The following HECW1 variants were observed in gnomAD, a reference collection of about 807,000 sequenced individuals.
HECW1 encodes the protein HECT, C2 and WW domain containing E3 ubiquitin protein ligase 1.
Under a neutral mutation model 182.3 loss-of-function variants are expected in HECW1, and 61 were observed. That is an observed-to-expected ratio of 0.33 (90% confidence interval 0.27 to 0.41). HECW1 has a LOEUF of 0.41. Among genes scored for constraint, HECW1 ranks in the 10% least tolerant of loss-of-function variants. The pLI is 1.00. For missense variants in HECW1, 1,739 were observed against 2,108.9 expected, an observed-to-expected ratio of 0.82 and a Z score of 3.44; for synonymous variants, 859 against 832.6, an observed-to-expected ratio of 1.03 and a Z score of -0.55.
At chr7:43,175,183 C>A (rs758237873) in intron 2 of HECW1, among the ~76,000 whole-genome samples, 8 of 151,322 alleles carry the variant, frequency 5.3e-5, no homozygotes, top group Admixed American at 2.6e-4. Context: ...TGTACACATA[C>A]ACATACACAC....
intron 3 of HECW1, among the ~76,000 whole-genome samples, chr7:43,283,835 A>C (rs933346071): frequency 6.6e-6 from 1 of 152,202 alleles, no homozygotes; most frequent in African/African-American, 2.4e-5. Context: ...TATTTCCTCC[A>C]TGTTTTCTGA....
intron 3 of HECW1, among the ~76,000 whole-genome samples, chr7:43,253,007 T>G (rs927015261): frequency 6.6e-6 from 1 of 152,204 alleles, no homozygotes; most frequent in Non-Finnish European, 1.5e-5. Context: ...GAGAAGTTAT[T>G]TAGCCCAGTC....
At chr7:43,211,091 C>A (rs2152695119) in intron 2 of HECW1, among the ~76,000 whole-genome samples, 1 of 152,248 alleles carries the variant, frequency 6.6e-6, no homozygotes, top group African/African-American at 2.4e-5. Context: ...CCTATTTTTG[C>A]CTAATTAGCA....
chr7:43,510,898 C>T (rs994263614), intron 24 of HECW1: 2 of 152,338 alleles, frequency 1.3e-5, no homozygotes, highest in East Asian at 3.9e-4. Context: ...GTGGCCCACA[C>T]TTGGCTGGAC....
intron 3 of HECW1, among the ~76,000 whole-genome samples, chr7:43,279,496 A>T (rs1202490391): frequency 2.0e-5 from 3 of 151,942 alleles, no homozygotes; most frequent in Admixed American, 6.6e-5. Flanking sequence ...TAACCCGACC[A>T]TCCACGCTCT....
At chr7:43,245,039 C>T (rs1799250203) in intron 3 of HECW1, among the ~76,000 whole-genome samples, 1 of 152,230 alleles carries the variant, frequency 6.6e-6, no homozygotes, top group Non-Finnish European at 1.5e-5. Context: ...TTCACAAGTT[C>T]TGCCTAATGC....
intron 24 of HECW1, among the ~76,000 whole-genome samples, chr7:43,532,081 G>C (rs545383754): frequency 1.3e-5 from 2 of 152,188 alleles, no homozygotes; most frequent in Non-Finnish European, 2.9e-5. Flanking sequence ...GTCTGAAAGA[G>C]AACTCTCCAT....
intron 5 of HECW1, among the ~76,000 whole-genome samples, chr7:43,325,889 C>T (rs1479685367): frequency 2.0e-5 from 3 of 152,226 alleles, no homozygotes; most frequent in Admixed American, 6.5e-5. Flanking sequence ...ATCAGAAGAA[C>T]GCCCCTCAAC....
intron 2 of HECW1, among the ~76,000 whole-genome samples, chr7:43,177,548 G>T (rs1340599107): frequency 6.6e-6 from 1 of 152,152 alleles, no homozygotes; most frequent in Non-Finnish European, 1.5e-5. Flanking sequence ...TCCATGTATT[G>T]TGGTTTTAAA....
At chr7:43,305,401 A>C (rs1584406862) in intron 3 of HECW1, among the ~76,000 whole-genome samples, 1 of 39,894 alleles carries the variant, frequency 2.5e-5, no homozygotes, top group Non-Finnish European at 3.8e-5. Context: ...AATTACTGCA[A>C]TTCTGTCCAT....
intron 2 of HECW1, among the ~76,000 whole-genome samples, chr7:43,152,230 A>T (rs1789412808): frequency 6.6e-6 from 1 of 152,164 alleles, no homozygotes; most frequent in Non-Finnish European, 1.5e-5. Flanking sequence ...GACCTATACC[A>T]CTCATTAAAA....
At chr7:43,245,960 C>T (rs1799341863) in intron 3 of HECW1, among the ~76,000 whole-genome samples, 1 of 152,128 alleles carries the variant, frequency 6.6e-6, no homozygotes, top group African/African-American at 2.4e-5. Flanking sequence ...AAGTTCCCTA[C>T]ACCTTCCCCT....
At chr7:43,351,551 G>A (rs1247870739) in intron 5 of HECW1, among the ~76,000 whole-genome samples, 2 of 152,124 alleles carry the variant, frequency 1.3e-5, no homozygotes, top group East Asian at 1.9e-4. Context: ...CTGCTGTGGG[G>A]GATGGGGGTG....
intron 5 of HECW1, among the ~76,000 whole-genome samples, chr7:43,325,349 A>G (rs1011124799): frequency 2.6e-5 from 4 of 152,216 alleles, no homozygotes; most frequent in African/African-American, 9.6e-5. Context: ...CCGCTGGCCC[A>G]TTCAGACCTT....
chr7:43,173,407 T>C (rs962326532), intron 2 of HECW1, among the ~76,000 whole-genome samples: 1 of 152,122 alleles, frequency 6.6e-6, no homozygotes, highest in Non-Finnish European at 1.5e-5. Context: ...CCCCTCCCCA[T>C]GTGTTAGGAA....
In HECW1 at chr7:43,291,119, G is replaced by A. The variant is rs145120683; in HGVS notation, c.28-20644G>A. Among the ~76,000 whole-genome samples, 505 of 152,302 alleles carry A rather than the reference G, an allele frequency of 3.3e-3. 1 individual carries two copies. The highest frequency in any genetic ancestry group is 9.7e-3 in the African/African-American group (402 of 41,560). ...TATTTAGAAACAGAATGCTTGTTCCGTGGTGCTGCAAAGAAATAGCACTCG... is the reference window on the plus strand; with the variant it reads ...TATTTAGAAACAGAATGCTTGTTCCATGGTGCTGCAAAGAAATAGCACTCG... On this transcript the variant is annotated intron_variant, in intron 3 of 29. Coordinates refer to ENST00000395891, the MANE Select transcript of HECW1 (RefSeq NM_015052.5).
intron 3 of HECW1, chr7:43,274,466 T>C (rs1054009467): frequency 1.3e-5 from 8 of 629,214 alleles, no homozygotes; most frequent in African/African-American, 5.5e-5. Flanking sequence ...CTGACCACCA[T>C]GGGCCGGCAC....
chr7:43,283,347 CAGA>C (rs1032122934), intron 3 of HECW1, among the ~76,000 whole-genome samples: 3 of 152,120 alleles, frequency 2.0e-5, no homozygotes, highest in African/African-American at 7.2e-5. Flanking sequence ...CCATTGAAGT[CAGA>C]AGTATGTGTG....
rs148328237 is a variant in HECW1 at position 43,486,452 on chromosome 7, C to A, written c.3235-5623C>A. On this transcript the variant is annotated intron_variant, in intron 17 of 29. Coordinates refer to ENST00000395891, the MANE Select transcript of HECW1 (RefSeq NM_015052.5). ...GAGTAGCTGAGGCTACAGGCACGCACCCCTACACCCGGCTAATTTTTTGTA... is the reference window on the plus strand; with the variant it reads ...GAGTAGCTGAGGCTACAGGCACGCAACCCTACACCCGGCTAATTTTTTGTA... Among the ~76,000 whole-genome samples the A allele has an allele frequency of 6.2e-3, 948 of 152,236 alleles. 7 individuals carry two copies. The highest frequency in any genetic ancestry group is 0.022 in the African/African-American group (901 of 41,530).
Sources: allele counts gnomAD v4.1 joint callset (sites outside exome capture counted in the v4.1 genomes callset), GRCh38; gene constraint gnomAD v4.1.1; transcripts MANE v1.5; gene names NCBI Gene and HGNC (gene_info 2026-07-23, HGNC 2026-07-21).